Variants in EP300 observed in about 807,000 individuals in gnomAD.
EP300 encodes the protein EP300 lysine acetyltransferase.
EP300 carries 31 observed loss-of-function variants against 264.0 expected under a neutral mutation model. The ratio of observed to expected loss-of-function variants is 0.12; its 90% CI spans 0.09 to 0.16. EP300 has a LOEUF of 0.16. Ranked by LOEUF, EP300 falls within the 10% of genes least tolerant of loss-of-function variation. The probability of loss-of-function intolerance (pLI) is 1.00; values close to 1 mark genes in which losing one functional copy is unlikely to be tolerated. For synonymous variants in EP300, 1,340 were observed against 1,045.4 expected, an observed-to-expected ratio of 1.28 and a Z score of -5.44; for missense variants, 2,766 against 3,052.9, an observed-to-expected ratio of 0.91 and a Z score of 2.21.
At position 41,127,488 on chromosome 22, in the gene EP300, G is replaced by A; in HGVS notation, c.908G>A (p.Gly303Asp). The A allele has an allele frequency of 6.2e-7, 1 of 1,614,034 alleles. No individual in the cohort carries two copies. The highest frequency in any genetic ancestry group is 1.1e-5 in the South Asian group (1 of 91,078). Reference sequence around the variant, plus strand: ...TAAATATATTGTTATATCTCTCAGGGTCAACAGCCAGCCCCGCAGGTCCAG... The same window carrying A: ...TAAATATATTGTTATATCTCTCAGGATCAACAGCCAGCCCCGCAGGTCCAG... ...AVPGGGMPNM[G>D]QQPAPQVQQP... The change falls in exon 4 of 31, where the codon GGT becomes GAT. Residue 303 changes from glycine (G) to aspartate (D), a missense_variant and splice_region_variant. Coordinates refer to ENST00000263253, the MANE Select transcript of EP300 (RefSeq NM_001429.4).
rs1210260524 is a variant in EP300, at chr22:41,107,304, T to A, written c.95-9883T>A. Among the ~76,000 whole-genome samples the A allele has an allele frequency of 2.6e-5, 4 of 152,114 alleles. No homozygotes were observed. In the East Asian group the frequency reaches 7.7e-4, roughly 29 times the overall value. On this transcript the variant is annotated intron_variant, in intron 1 of 30. Coordinates refer to ENST00000263253, the MANE Select transcript of EP300 (RefSeq NM_001429.4). ...TGAGAATTGACTGGATTTTAAATAA[T>A]TAATAAAGGTGTTTTACTTAATGAA...
At chr22:41,125,567 C>G (rs2058877017) in intron 2 of EP300, among the ~76,000 whole-genome samples, 1 of 152,044 alleles carries the variant, frequency 6.6e-6, no homozygotes, top group Non-Finnish European at 1.5e-5. Context: ...GGCCCGGCCA[C>G]TTGGTTTTTT....
At chr22:41,103,602 A>T (rs905926281) in intron 1 of EP300, among the ~76,000 whole-genome samples, 1 of 152,166 alleles carries the variant, frequency 6.6e-6, no homozygotes, top group Non-Finnish European at 1.5e-5. Flanking sequence ...AGAAGTAGGG[A>T]AAGTTGGAAG....
chr22:41,172,759 G>C (rs1437885104), intron 28 of EP300, 96 bp downstream of exon 28: 3 of 1,319,532 alleles, frequency 2.3e-6, no homozygotes, highest in African/African-American at 2.9e-5. Flanking sequence ...AAAGCTTTCA[G>C]GTGTAAAAGA....
In EP300 at chr22:41,135,538, G is replaced by T. The variant is rs145729593; in HGVS notation, c.1529-275G>T. On this transcript the variant is annotated intron_variant, in intron 6 of 30. Transcript: ENST00000263253. ...CTCCTGAAGTGCTGAGATTACAGGC[G>T]TGAGCCTCTGCGCCTGGTCACATTT... 3.3e-5 allele frequency among the ~76,000 whole-genome samples: 5 copies of T among 151,164 alleles called. No homozygotes were observed. In the East Asian group the frequency reaches 9.7e-4, roughly 29 times the overall value.
rs540989850 is a variant in EP300 at position 41,141,983 on chromosome 22, C to A, written c.2053+761C>A. Among the ~76,000 whole-genome samples the A allele has an allele frequency of 1.8e-4, 28 of 152,276 alleles. No individual in the cohort carries two copies. The South Asian group carries it at 5.6e-3, about 30-fold the overall frequency. ...TGAGCCACCACTCCCTGCCTAGAAG[C>A]ATCATTTAAAATTACATTTTGACAG... On this transcript the variant is annotated intron_variant, in intron 10 of 30. Transcript: ENST00000263253.
intron 1 of EP300, among the ~76,000 whole-genome samples, chr22:41,103,924 G>C (rs1336586265): frequency 3.3e-5 from 5 of 151,542 alleles, no homozygotes; most frequent in African/African-American, 1.2e-4. Context: ...GAAGTTTTTG[G>C]TACATTGTAA....
At chr22:41,169,824 CAT>C in intron 26 of EP300, among the ~76,000 whole-genome samples, 1 of 152,270 alleles carries the variant, frequency 6.6e-6, no homozygotes, top group East Asian at 1.9e-4. Context: ...ACCCATCCAA[CAT>C]TAGTTTTGTT....
At position 41,093,098 on chromosome 22, in the gene EP300, G is replaced by T. The variant is rs1198218045; in HGVS notation, c.94G>T (p.Asp32Tyr). Residue 32 changes from aspartate (D) to tyrosine (Y), a missense_variant and splice_region_variant, in exon 1 of 31, where the codon GAT (aspartate) becomes TAT (tyrosine). By Grantham distance (160) the Asp-to-Tyr change is radical. Transcript: ENST00000263253. ...ALSASASDGT[D>Y]FGSLFDLEHD... ...CTCGGCGTCCGCCAGCGATGGCACA[G>T]GTTAGTTTCGGCAGCCCCGGCCTTC... The T allele has an allele frequency of 6.2e-7, 1 of 1,613,926 alleles. No homozygotes were observed. Among genetic ancestry groups the T allele is most frequent in the African/African-American group, 1.3e-5 (1 of 74,940 alleles).
intron 2 of EP300, among the ~76,000 whole-genome samples, chr22:41,122,583 C>T (rs1269951533): frequency 4.6e-5 from 7 of 151,748 alleles, no homozygotes; most frequent in Non-Finnish European, 8.8e-5. Context: ...TTACCTTAGT[C>T]TCTGAATTTC....
At position 41,116,742 on chromosome 22, in the gene EP300, G is replaced by A. The variant is rs5758234; in HGVS notation, c.95-445G>A. 3.1e-3 allele frequency among the ~76,000 whole-genome samples: 472 copies of A among 152,126 alleles called. 15 individuals are homozygous for A. The East Asian group carries it at 0.081, about 26-fold the overall frequency. On this transcript the variant is annotated intron_variant, in intron 1 of 30. Transcript: ENST00000263253. ...AAAATCTATAAAATGGTTTTAGTATGACCTAAAAAACTACCATACAAATAG... is the reference window on the plus strand; with the variant it reads ...AAAATCTATAAAATGGTTTTAGTATAACCTAAAAAACTACCATACAAATAG...
intron 7 of EP300, 66 bp downstream of exon 7, chr22:41,135,972 TTGACTTTTG>T: frequency 8.0e-7 from 1 of 1,243,556 alleles, no homozygotes; most frequent in Non-Finnish European, 1.2e-6. Context: ...AATTCATTGT[TTGACTTTTG>T]AACTTAGTTT....
Position 41,178,677 on chromosome 22 carries a change from C to G in EP300, c.6966C>G (p.Pro2322=). The part of the protein sequence containing the change: ...PVPSPRPQSQ[P]PHSSPSPRMQ... ...CTTCTCCACGGCCACAGTCCCAGCC[C>G]CCCCACTCCAGTCCTTCCCCAAGGA... The change falls in exon 31 of 31, where the codon CCC becomes CCG. Residue 2322 remains proline (P), a synonymous_variant. Transcript: ENST00000263253. The G allele has an allele frequency of 6.2e-7, 1 of 1,614,180 alleles. No homozygotes were observed. Among genetic ancestry groups the G allele is most frequent in the African/African-American group, 1.3e-5 (1 of 75,022 alleles).
intron 20 of EP300, among the ~76,000 whole-genome samples, chr22:41,162,191 T>A (rs1044352656): frequency 6.6e-6 from 1 of 152,200 alleles, no homozygotes; most frequent in South Asian, 2.1e-4. Context: ...GAAAATGCTA[T>A]TAACAGAGAT....
Position 41,179,221 on chromosome 22 carries a change from GGGA to G in EP300, c.*271_*273del. The G allele has an allele frequency of 4.1e-6, 2 of 489,788 alleles. No individual in the cohort carries two copies. The allele number at this position is 489,788 out of a possible 1,614,324, so 30.3% of individuals were successfully genotyped here. ...TGTGTGTGTGGTTCAAGTGTGCACT[GGGA>G]GGAGGCTGAGGCCTGTGAAGCCAAA... On this transcript the variant is annotated 3_prime_UTR_variant, in exon 31 of 31. Transcript: ENST00000263253.
At chr22:41,167,154 C>T (rs2059139101) in intron 23 of EP300, among the ~76,000 whole-genome samples, 1 of 152,226 alleles carries the variant, frequency 6.6e-6, no homozygotes, top group Admixed American at 6.5e-5. Context: ...TGTGCCTCCA[C>T]ACCCAGCTAA....
chr22:41,150,011 C>T lies in EP300; in HGVS notation c.2630C>T (p.Ala877Val). ...ATGCCACCTGGGCCACAGTCCCAGG[C>T]TCTACATCCCCCTCCAAGGCAGACA... ...PAMPPGPQSQALHPPPRQTPT... is the reference protein window; with the variant it reads ...PAMPPGPQSQVLHPPPRQTPT... Residue 877 changes from alanine (A) to valine (V), a missense_variant, in exon 14 of 31, where the codon GCT (alanine) becomes GTT (valine). Coordinates refer to ENST00000263253, the MANE Select transcript of EP300 (RefSeq NM_001429.4). 1.9e-6 allele frequency: 3 copies of T among 1,614,056 alleles called. No individual in the cohort carries two copies. The highest frequency in any genetic ancestry group is 2.5e-6 in the Non-Finnish European group (3 of 1,180,028).
intron 1 of EP300, among the ~76,000 whole-genome samples, chr22:41,106,239 A>G (rs186204735): frequency 4.6e-5 from 7 of 152,340 alleles, no homozygotes; most frequent in Admixed American, 4.6e-4. Flanking sequence ...ATCCATTGTA[A>G]GAGTAGGAGT....
chr22:41,140,984 T>G (rs2058978921), intron 9 of EP300, 64 bp from the exon 10 acceptor site: 3 of 1,472,220 alleles, frequency 2.0e-6, no homozygotes, highest in Admixed American at 3.8e-5. Flanking sequence ...GTTTATTTTT[T>G]CTGTTACCTG....
Sources: gnomAD v4.1 joint callset for allele counts (sites outside exome capture counted in the v4.1 genomes callset) on GRCh38, gnomAD v4.1.1 for gene constraint, MANE v1.5 for transcripts, NCBI Gene and HGNC (gene_info 2026-07-23, HGNC 2026-07-21) for gene names.